Variants in ARID1B observed in about 807,000 individuals in gnomAD.
The protein encoded by ARID1B is AT-rich interaction domain 1B.
In ARID1B, 30 loss-of-function variants were observed where a neutral mutation model predicts 212.3. That is an observed-to-expected ratio of 0.14 (90% CI 0.11 to 0.19). The LOEUF is 0.19. Among genes scored for constraint, ARID1B ranks in the 10% least tolerant of loss-of-function variants. The pLI is 1.00. For synonymous variants in ARID1B, 1,402 were observed against 1,301.7 expected, an observed-to-expected ratio of 1.08 and a Z score of -1.66; for missense variants, 2,891 against 3,204.0, an observed-to-expected ratio of 0.90 and a Z score of 2.36.
At chr6:157,140,478 TA>T (rs1789268077) in intron 7 of ARID1B, 1 of 393,568 alleles carries the variant, frequency 2.5e-6, no homozygotes, top group Admixed American at 4.4e-5. Context: ...TCGATAAAAA[TA>T]AAAAGAACAC....
At chr6:157,031,977 A>G (rs1207189197) in intron 4 of ARID1B, among the ~76,000 whole-genome samples, 1 of 152,126 alleles carries the variant, frequency 6.6e-6, no homozygotes, top group Non-Finnish European at 1.5e-5. Context: ...TTGTGTCTTT[A>G]GTAGAGACAG....
chr6:156,993,805 A>G (rs1007464270), intron 4 of ARID1B, among the ~76,000 whole-genome samples: 2 of 152,176 alleles, frequency 1.3e-5, no homozygotes, highest in East Asian at 3.8e-4. Context: ...TAACTCTTAA[A>G]TTTCTGTTGA....
At chr6:156,976,359 G>A in intron 4 of ARID1B, 1 of 167,232 alleles carries the variant, frequency 6.0e-6, no homozygotes, top group Non-Finnish European at 1.3e-5. Context: ...TTTAAGCTGT[G>A]CTCCAAGGTC....
intron 4 of ARID1B, among the ~76,000 whole-genome samples, chr6:157,046,849 T>C (rs1232304179): frequency 6.6e-6 from 1 of 152,210 alleles, no homozygotes; most frequent in African/African-American, 2.4e-5. Context: ...AAAGAGAAAA[T>C]GTAACCTAAG....
intron 1 of ARID1B, among the ~76,000 whole-genome samples, chr6:156,794,769 G>A (rs1432361677): frequency 2.6e-5 from 4 of 151,630 alleles, no homozygotes; most frequent in South Asian, 2.1e-4. Context: ...TTGTAGAGAC[G>A]GGGGTTTTGC....
intron 2 of ARID1B, among the ~76,000 whole-genome samples, chr6:156,848,089 T>A (rs1312870211): frequency 6.6e-6 from 1 of 152,238 alleles, no homozygotes; most frequent in Non-Finnish European, 1.5e-5. Context: ...ATATAACTAA[T>A]GTCTGTGTTT....
intron 4 of ARID1B, among the ~76,000 whole-genome samples, chr6:156,946,698 G>A (rs1238167071): frequency 6.6e-6 from 1 of 152,082 alleles, no homozygotes; most frequent in Non-Finnish European, 1.5e-5. Flanking sequence ...TTGGAATAGA[G>A]GGAGGGAGGG....
At chr6:156,905,990 C>G (rs1221180168) in intron 3 of ARID1B, among the ~76,000 whole-genome samples, 2 of 152,012 alleles carry the variant, frequency 1.3e-5, no homozygotes, top group Non-Finnish European at 2.9e-5. Flanking sequence ...GAGAAATATC[C>G]CTGTAATAAA....
intron 2 of ARID1B, chr6:156,871,538 GC>G: frequency 7.3e-7 from 1 of 1,363,278 alleles, no homozygotes; most frequent in Admixed American, 1.9e-5. Context: ...TAATTAATAA[GC>G]CACAGGGCCA....
intron 6 of ARID1B, among the ~76,000 whole-genome samples, chr6:157,125,019 G>A (rs1788041833): frequency 6.6e-6 from 1 of 152,206 alleles, no homozygotes; most frequent in African/African-American, 2.4e-5. Context: ...CAACCCAGGG[G>A]CTACAGGGAG....
chr6:156,918,882 G>C (rs1192082653), intron 3 of ARID1B, among the ~76,000 whole-genome samples: 4 of 152,140 alleles, frequency 2.6e-5, no homozygotes, highest in Non-Finnish European at 2.9e-5. Context: ...TCCTCTCTCT[G>C]TTCCCTTTTT....
At chr6:156,831,860 G>T (rs978021116) in intron 2 of ARID1B, among the ~76,000 whole-genome samples, 2 of 152,176 alleles carry the variant, frequency 1.3e-5, no homozygotes, top group Non-Finnish European at 2.9e-5. Context: ...TTCTGATAAT[G>T]AAAGGAAAAT....
intron 4 of ARID1B, among the ~76,000 whole-genome samples, chr6:156,947,708 A>T (rs1455631134): frequency 6.6e-6 from 1 of 151,764 alleles, no homozygotes; most frequent in Non-Finnish European, 1.5e-5. Flanking sequence ...ATTTTACTCC[A>T]GGAAATGACA....
intron 3 of ARID1B, among the ~76,000 whole-genome samples, chr6:156,922,600 A>G (rs1009492466): frequency 1.3e-5 from 2 of 152,228 alleles, no homozygotes; most frequent in African/African-American, 4.8e-5. Flanking sequence ...TTAGAAAAGT[A>G]TTACAATGTT....
intron 4 of ARID1B, among the ~76,000 whole-genome samples, chr6:156,988,025 T>G (rs1367912731): frequency 6.6e-6 from 1 of 152,138 alleles, no homozygotes; most frequent in Non-Finnish European, 1.5e-5. Context: ...ATCTTAGTCT[T>G]TCTTTCATTC....
At chr6:157,130,546 T>A (rs1334903418) in intron 6 of ARID1B, among the ~76,000 whole-genome samples, 1 of 152,346 alleles carries the variant, frequency 6.6e-6, no homozygotes, top group African/African-American at 2.4e-5. Context: ...AAGCTGCCAA[T>A]TGAGCCCAAT....
At chr6:157,043,102 T>G (rs2128532411) in intron 4 of ARID1B, among the ~76,000 whole-genome samples, 1 of 152,346 alleles carries the variant, frequency 6.6e-6, no homozygotes, top group African/African-American at 2.4e-5. Flanking sequence ...TGTATTACTT[T>G]TTACCTGTAT....
Position 157,042,678 on chromosome 6 carries a change from A to T in ARID1B, c.2248-41984A>T, listed in dbSNP as rs1224318312. On this transcript the variant is annotated intron_variant, in intron 4 of 19. Transcript: ENST00000636930. Reference sequence around the variant, plus strand: ...CCACTCCTTTTTTTTTTTTTTTTTGAGACAGAGTCTCACTGTGTCACCCAG... The same window carrying T: ...CCACTCCTTTTTTTTTTTTTTTTTGTGACAGAGTCTCACTGTGTCACCCAG... 2.5e-3 allele frequency among the ~76,000 whole-genome samples: 312 copies of T among 122,498 alleles called. 3 individuals carry two copies. Among genetic ancestry groups the T allele is most frequent in the African/African-American group, 7.7e-3 (223 of 28,852 alleles). The allele number at this position is 122,498 out of a possible 152,430, so 80.4% of individuals were successfully genotyped here.
At chr6:156,877,457 G>A (rs765935813) in intron 2 of ARID1B, among the ~76,000 whole-genome samples, 2 of 152,048 alleles carry the variant, frequency 1.3e-5, no homozygotes, top group African/African-American at 4.8e-5. Flanking sequence ...CTCTTTCTCC[G>A]TGCTTCTTCC....
Sources: gnomAD v4.1 joint callset for allele counts (sites outside exome capture counted in the v4.1 genomes callset) on GRCh38, gnomAD v4.1.1 for gene constraint, MANE v1.5 for transcripts, NCBI Gene and HGNC (gene_info 2026-07-23, HGNC 2026-07-21) for gene names.